Variants in MAP7 observed in about 807,000 individuals in gnomAD.
The protein encoded by MAP7 is ensconsin.
A neutral mutation model predicts 94.8 loss-of-function variants in MAP7; 52 were observed. The observed-to-expected ratio is 0.55, with a 90% CI of 0.44 to 0.69. The LOEUF (loss-of-function observed/expected upper bound fraction) is 0.69, where lower values mean the gene tolerates loss of function less well. MAP7 is among the 30% of genes least tolerant of loss of function. MAP7 has a pLI of 0.00. For synonymous variants in MAP7, 350 were observed against 357.0 expected (o/e 0.98, Z 0.22); for missense variants, 940 against 964.6 (o/e 0.97, Z 0.34).
At chr6:136,406,035 C>A (rs1276912366) in intron 3 of MAP7, among the ~76,000 whole-genome samples, 1 of 152,134 alleles carries the variant, frequency 6.6e-6, no homozygotes, top group Non-Finnish European at 1.5e-5. Flanking sequence ...TGAATGAATA[C>A]ATAAAATCAC....
intron 16 of MAP7, among the ~76,000 whole-genome samples, chr6:136,355,257 C>CTT (rs199649689): frequency 6.7e-6 from 1 of 149,294 alleles, no homozygotes. Context: ...ATCTTTTATT[C>CTT]TTTTTTTTTT....
chr6:136,485,808 C>T (rs1282369864), intron 1 of MAP7, among the ~76,000 whole-genome samples: 2 of 151,826 alleles, frequency 1.3e-5, no homozygotes, highest in African/African-American at 4.8e-5. Flanking sequence ...GTGATCCGCC[C>T]GCCTCGGCCT....
At chr6:136,407,773 G>A (rs1378696362) in intron 3 of MAP7, among the ~76,000 whole-genome samples, 1 of 152,178 alleles carries the variant, frequency 6.6e-6, no homozygotes, top group Non-Finnish European at 1.5e-5. Context: ...GCCAAGGAAG[G>A]GAGAATGTTT....
intron 1 of MAP7, among the ~76,000 whole-genome samples, chr6:136,499,163 G>T (rs976597310): frequency 6.6e-6 from 1 of 151,996 alleles, no homozygotes; most frequent in African/African-American, 2.4e-5. Context: ...CAGGTGATCC[G>T]CCTGCCTTGG....
rs547070354 is a variant in MAP7, at chr6:136,518,452, C to T, written c.67+31890G>A. Among the ~76,000 whole-genome samples, 12 of 152,276 alleles carry T rather than the reference C, an allele frequency of 7.9e-5. No individual in the cohort carries two copies. The South Asian group carries it at 2.3e-3, about 29-fold the overall frequency. On this transcript the variant is annotated intron_variant, in intron 1 of 17. Transcript: ENST00000354570. ...TGCTCTGGTAAACATTCAAACAATG[C>T]CTTATGTCCATCTGTGACACACTTT...
rs564480716 is a variant in MAP7 at position 136,414,518 on chromosome 6, C to T, written c.167-2821G>A. On this transcript the variant is annotated intron_variant, in intron 2 of 17. Coordinates refer to ENST00000354570, the MANE Select transcript of MAP7 (RefSeq NM_003980.6). ...TGTTTTGCTGAAAGAAAATGGTGGC[C>T]GTAGTAAAATGGCATTTTAAAGAAA... Among the ~76,000 whole-genome samples, 14 of 151,370 alleles carry T rather than the reference C, an allele frequency of 9.2e-5. No homozygotes were observed. In the South Asian group the frequency reaches 1.0e-3, roughly 11 times the overall value.
intron 8 of MAP7, among the ~76,000 whole-genome samples, chr6:136,368,106 A>C (rs1794779551): frequency 6.6e-6 from 1 of 152,040 alleles, no homozygotes; most frequent in Non-Finnish European, 1.5e-5. Context: ...TCTTTTTTAA[A>C]AGTTATCTCC....
intron 7 of MAP7, among the ~76,000 whole-genome samples, chr6:136,376,030 C>T (rs1417046740): frequency 2.0e-5 from 3 of 151,964 alleles, no homozygotes; most frequent in African/African-American, 4.8e-5. Context: ...TAGCACAACA[C>T]AGCATACAAG....
At chr6:136,457,815 A>G (rs749132774) in intron 1 of MAP7, among the ~76,000 whole-genome samples, 3 of 152,176 alleles carry the variant, frequency 2.0e-5, no homozygotes, top group Non-Finnish European at 2.9e-5. Context: ...AAGATAATAA[A>G]GGCCATATAT....
intron 1 of MAP7, among the ~76,000 whole-genome samples, chr6:136,495,578 T>A (rs1817966620): frequency 1.3e-5 from 2 of 152,064 alleles, no homozygotes; most frequent in Admixed American, 1.3e-4. Context: ...CTCAAAAAGT[T>A]TCAGATTTTG....
intron 1 of MAP7, among the ~76,000 whole-genome samples, chr6:136,440,118 C>T (rs1797415320): frequency 6.6e-6 from 1 of 152,170 alleles, no homozygotes; most frequent in Admixed American, 6.5e-5. Context: ...AATTCTGTAG[C>T]ATGATCACAG....
At chr6:136,492,183 G>C (rs1816821317) in intron 1 of MAP7, among the ~76,000 whole-genome samples, 1 of 152,176 alleles carries the variant, frequency 6.6e-6, no homozygotes, top group Admixed American at 6.5e-5. Flanking sequence ...CATAAGGAGT[G>C]CACAACCTAG....
intron 1 of MAP7, among the ~76,000 whole-genome samples, chr6:136,485,463 G>T (rs978953589): frequency 1.3e-5 from 2 of 151,698 alleles, no homozygotes; most frequent in Non-Finnish European, 1.5e-5. Context: ...ACATTAATTG[G>T]AAATTTAGGG....
chr6:136,473,872 A>G (rs1348793828), intron 1 of MAP7, among the ~76,000 whole-genome samples: 2 of 152,320 alleles, frequency 1.3e-5, no homozygotes, highest in East Asian at 1.9e-4. Context: ...GCTGTGTTCC[A>G]GGAGCTGTTC....
rs1794118264 is a variant in MAP7 at position 136,365,724 on chromosome 6, T to G, written c.1273+11A>C. ...AGAGAGCACCCAGACCACAGGTGAG[T>G]TTGCTCTTACCAGGGCCAACTTCTG... On this transcript the variant is annotated intron_variant, in intron 10 of 17. Transcript: ENST00000354570. 3.1e-6 allele frequency: 5 copies of G among 1,611,774 alleles called. No individual in the cohort carries two copies. The East Asian group carries it at 1.1e-4, about 36-fold the overall frequency.
At chr6:136,435,662 G>A (rs892588111) in intron 1 of MAP7, among the ~76,000 whole-genome samples, 1 of 152,164 alleles carries the variant, frequency 6.6e-6, no homozygotes, top group African/African-American at 2.4e-5. Context: ...AAAAGGGTGT[G>A]TGCTTTCTGT....
In MAP7 at chr6:136,454,093, G is replaced by A. The variant is rs552982951; in HGVS notation, c.68-32294C>T. On this transcript the variant is annotated intron_variant, in intron 1 of 17. Transcript: ENST00000354570. ...CTACCGAGGAACATAGAGCTCAGAG[G>A]CTCTTCCCAAACTGCCAAATCCTCC... Among the ~76,000 whole-genome samples the A allele has an allele frequency of 1.2e-4, 18 of 152,110 alleles. No individual in the cohort carries two copies. The South Asian group carries it at 3.7e-3, about 32-fold the overall frequency.
At chr6:136,362,397 G>A (rs1408591083) in intron 11 of MAP7, 53 bp downstream of exon 11, 3 of 1,595,498 alleles carry the variant, frequency 1.9e-6, no homozygotes, top group African/African-American at 1.3e-5. Flanking sequence ...GGGGTGATGA[G>A]TTAATCCAAA....
At chr6:136,528,007 G>C (rs1262866440) in intron 1 of MAP7, among the ~76,000 whole-genome samples, 4 of 152,198 alleles carry the variant, frequency 2.6e-5, no homozygotes, top group Non-Finnish European at 5.9e-5. Context: ...AAATAGAATG[G>C]AGTTTTGGAG....
Sources: gnomAD v4.1 joint callset for allele counts (sites outside exome capture counted in the v4.1 genomes callset) on GRCh38, gnomAD v4.1.1 for gene constraint, MANE v1.5 for transcripts, NCBI Gene and HGNC (gene_info 2026-07-23, HGNC 2026-07-21) for gene names.